The following FEZ1 variants were observed in gnomAD, a reference collection of about 807,000 sequenced individuals.
FEZ1 encodes the protein fasciculation and elongation protein zeta-1.
FEZ1 carries 20 observed loss-of-function variants against 49.3 expected under a neutral mutation model. The observed-to-expected ratio is 0.41, with a 90% CI of 0.29 to 0.59. FEZ1 has a LOEUF of 0.59. Among genes scored for constraint, FEZ1 ranks in the 20% least tolerant of loss-of-function variants. The probability of loss-of-function intolerance (pLI) is 0.36; values close to 1 mark genes in which losing one functional copy is unlikely to be tolerated. For missense variants in FEZ1, 413 were observed against 476.0 expected (o/e 0.87, Z 1.23); for synonymous variants, 170 against 180.9 (o/e 0.94, Z 0.48).
Position 125,457,429 on chromosome 11 carries a change from A to AAAATATAT in FEZ1, c.668-1324_668-1323insATATATTT, listed in dbSNP as rs1164500309. Among the ~76,000 whole-genome samples the AAAATATAT allele has an allele frequency of 8.3e-3, 174 of 20,886 alleles. 1 individual carries two copies. The highest frequency in any genetic ancestry group is 9.2e-3 in the Admixed American group (8 of 870). The allele number at this position is 20,886 out of a possible 152,430, so 13.7% of individuals were successfully genotyped here. On this transcript the variant is annotated intron_variant, in intron 5 of 9. Transcript: ENST00000278919. ...AAAAAAAAAAAAAAAAAAAAAAAAA[A>AAAATATAT]ATATATATATATATATATATATGTA...
rs555632424 is a variant in FEZ1 at position 125,485,753 on chromosome 11, T to C, written c.311+3714A>G. 1.4e-4 allele frequency among the ~76,000 whole-genome samples: 20 copies of C among 146,310 alleles called. No homozygotes were observed. In the East Asian group the frequency reaches 4.0e-3, roughly 29 times the overall value. Reference sequence around the variant, plus strand: ...GAGTTCGAGACCAGCTTGGACAACATGGTGAAAACCCATGTCTACTAAAAG... The same window carrying C: ...GAGTTCGAGACCAGCTTGGACAACACGGTGAAAACCCATGTCTACTAAAAG... On this transcript the variant is annotated intron_variant, in intron 2 of 9. Coordinates refer to ENST00000278919, the MANE Select transcript of FEZ1 (RefSeq NM_005103.5).
chr11:125,475,157 C>T (rs1019374171), intron 3 of FEZ1, among the ~76,000 whole-genome samples: 37 of 151,876 alleles, frequency 2.4e-4, no homozygotes, highest in Non-Finnish European at 5.0e-4. Context: ...ATGGTCCCAG[C>T]TACTTGGGGA....
intron 5 of FEZ1, among the ~76,000 whole-genome samples, chr11:125,456,896 A>G (rs1294267258): frequency 1.3e-5 from 2 of 152,196 alleles, no homozygotes; most frequent in East Asian, 3.8e-4. Context: ...AACTTTATAC[A>G]CTTTAGGCCA....
At chr11:125,467,304 G>A (rs941053986) in intron 3 of FEZ1, among the ~76,000 whole-genome samples, 11 of 151,914 alleles carry the variant, frequency 7.2e-5, no homozygotes, top group East Asian at 1.9e-4. Flanking sequence ...TCAGCCTCCC[G>A]AGTGGGATTA....
intron 7 of FEZ1, chr11:125,452,954 G>C (rs929667511): frequency 1.4e-5 from 2 of 145,128 alleles, no homozygotes; most frequent in African/African-American, 5.0e-5. Context: ...AAGCTAAGAA[G>C]CTCACTTTTT....
chr11:125,493,455 AAGGAAAGAAGGAAAGAAG>A (rs1957414468), intron 1 of FEZ1, among the ~76,000 whole-genome samples: 1 of 60,010 alleles, frequency 1.7e-5, no homozygotes, highest in Non-Finnish European at 3.0e-5. Flanking sequence ...AGAAGGAAAG[AAGGAAAGAAGGAAAGAAG>A]GAAAGAAGGA....
chr11:125,459,335 T>C (rs1957050460), intron 5 of FEZ1, among the ~76,000 whole-genome samples: 1 of 152,190 alleles, frequency 6.6e-6, no homozygotes, highest in African/African-American at 2.4e-5. Flanking sequence ...CTCACACCTG[T>C]AATCCCAGCA....
chr11:125,487,264 G>A (rs1358499892), intron 2 of FEZ1, among the ~76,000 whole-genome samples: 4 of 152,172 alleles, frequency 2.6e-5, no homozygotes, highest in Non-Finnish European at 5.9e-5. Flanking sequence ...GTCATTTTCA[G>A]AGCACCTGGG....
chr11:125,483,727 A>G (rs1352560365), intron 2 of FEZ1, among the ~76,000 whole-genome samples: 1 of 152,242 alleles, frequency 6.6e-6, no homozygotes, highest in African/African-American at 2.4e-5. Context: ...AAGTGCCCAC[A>G]GAAATGAAAT....
In FEZ1 at chr11:125,444,418, T is replaced by C. The variant is rs1956879684; in HGVS notation, c.*1677A>G. Among the ~76,000 whole-genome samples, 1 of 152,162 alleles carries C rather than the reference T, an allele frequency of 6.6e-6. No homozygotes were observed. The highest frequency in any genetic ancestry group is 1.5e-5 in the Non-Finnish European group (1 of 68,028). ...CTGACCAACATGTAGAAACCTGGTC[T>C]CTACTAAAAATATAAAATTAGCTGG... is the stretch of plus-strand genomic sequence containing the variant. On this transcript the variant is annotated 3_prime_UTR_variant, in exon 10 of 10. Transcript: ENST00000278919.
chr11:125,466,068 A>T (rs763129085), intron 3 of FEZ1, among the ~76,000 whole-genome samples: 5 of 152,226 alleles, frequency 3.3e-5, no homozygotes, highest in Admixed American at 2.0e-4. Context: ...AGCATAAGAC[A>T]CTGACATAGA....
In FEZ1 at chr11:125,489,822, T is replaced by A; in HGVS notation, c.-45A>T. On this transcript the variant is annotated splice_region_variant and 5_prime_UTR_variant, in exon 2 of 10. Transcript: ENST00000278919. The surrounding 1 kb of genome is among the most constrained non-coding windows in gnomAD (Gnocchi z 4.2). ...AACAGCGACTTTCAGGATGAGTTTA[T>A]CTAAAAGAAATGAACAGCGTAATGT... 1 of 1,514,148 alleles carries A rather than the reference T, an allele frequency of 6.6e-7. No individual in the cohort carries two copies. Among genetic ancestry groups the A allele is most frequent in the South Asian group, 1.4e-5 (1 of 73,302 alleles). The allele number at this position is 1,514,148 out of a possible 1,614,324, so 93.8% of individuals were successfully genotyped here. A position where few individuals can be genotyped will look rare whatever the true frequency, so the allele number is the denominator to read the frequency against.
chr11:125,491,516 A>T (rs11220093), intron 1 of FEZ1, among the ~76,000 whole-genome samples: 1,828 of 152,102 alleles, frequency 0.012, 34 homozygotes, highest in African/African-American at 0.032. Flanking sequence ...GCTGACTATC[A>T]TACCCTTCTC....
At chr11:125,477,189 G>A (rs1039744791) in intron 3 of FEZ1, among the ~76,000 whole-genome samples, 2 of 152,016 alleles carry the variant, frequency 1.3e-5, no homozygotes, top group South Asian at 2.1e-4. Context: ...GGGATAGACT[G>A]TACCTTCAAG....
In FEZ1 at chr11:125,448,497, C is replaced by T; in HGVS notation, c.1162+5G>A. ...CTGCTCCAGGAGGCCTGGGGCTGCT[C>T]TTACCTTTTAAAATGTAGTCCGTTA... is the stretch of plus-strand genomic sequence containing the variant. On this transcript the variant is annotated splice_donor_5th_base_variant and intron_variant, in intron 9 of 9. Coordinates refer to ENST00000278919, the MANE Select transcript of FEZ1 (RefSeq NM_005103.5). 1 of 1,604,560 alleles carries T rather than the reference C, an allele frequency of 6.2e-7. No homozygotes were observed. The highest frequency in any genetic ancestry group is 8.5e-7 in the Non-Finnish European group (1 of 1,171,294).
At chr11:125,458,230 A>G (rs917519598) in intron 5 of FEZ1, among the ~76,000 whole-genome samples, 2 of 152,012 alleles carry the variant, frequency 1.3e-5, no homozygotes, top group African/African-American at 2.4e-5. Flanking sequence ...ACCCTGACCA[A>G]CCCACCTTCT....
chr11:125,489,196 C>A lies in FEZ1; in HGVS notation c.311+271G>T. On this transcript the variant is annotated intron_variant, in intron 2 of 9. Transcript: ENST00000278919. This position sits in a 1 kb window ranked among gnomAD's most constrained non-coding sequence, Gnocchi z 4.2. ...ATAAAGAAAGCTTAAGATAGACAGACCCTGAAATTTACTGTGCTCCTGAAA... is the reference window on the plus strand; with the variant it reads ...ATAAAGAAAGCTTAAGATAGACAGAACCTGAAATTTACTGTGCTCCTGAAA... 1.8e-6 allele frequency: 2 copies of A among 1,114,838 alleles called. No individual in the cohort carries two copies. Among genetic ancestry groups the A allele is most frequent in the Admixed American group, 4.9e-5 (1 of 20,334 alleles). 69.1% of individuals were successfully genotyped at this position (1,114,838 alleles called of 1,614,324 possible).
Position 125,468,264 on chromosome 11 carries a change from C to T in FEZ1, c.412-4694G>A, listed in dbSNP as rs535104425. Among the ~76,000 whole-genome samples, 8 of 152,184 alleles carry T rather than the reference C, an allele frequency of 5.3e-5. 1 individual carries two copies. Among genetic ancestry groups the T allele is most frequent in the African/African-American group, 1.9e-4 (8 of 41,516 alleles). ...ATGATCAAAGTCCACTGCAGCCTCC[C>T]TTTCCTGGGATCAGGCAATTCTTCC... On this transcript the variant is annotated intron_variant, in intron 3 of 9. Coordinates refer to ENST00000278919, the MANE Select transcript of FEZ1 (RefSeq NM_005103.5).
Position 125,495,523 on chromosome 11 carries a change from G to A in FEZ1, c.-46+598C>T. 2.1e-6 allele frequency: 1 copy of A among 471,118 alleles called. No homozygotes were observed. The highest frequency in any genetic ancestry group is 4.4e-6 in the Non-Finnish European group (1 of 227,040). The allele number at this position is 471,118 out of a possible 1,614,324, so 29.2% of individuals were successfully genotyped here. A position where few individuals can be genotyped will look rare whatever the true frequency, so the allele number is the denominator to read the frequency against. On this transcript the variant is annotated intron_variant, in intron 1 of 9. Coordinates refer to ENST00000278919, the MANE Select transcript of FEZ1 (RefSeq NM_005103.5). The surrounding 1 kb of genome is among the most constrained non-coding windows in gnomAD (Gnocchi z 4.2). ...GTAGTAAAACAATCGCTCTCCCGGC[G>A]TCTGCGGCCGCTGCCAGCGGTTCTG...
Sources: gnomAD v4.1 joint callset for allele counts (sites outside exome capture counted in the v4.1 genomes callset) on GRCh38, gnomAD v4.1.1 for gene constraint, Gnocchi (gnomAD v3.1) non-coding constraint, MANE v1.5 for transcripts, NCBI Gene and HGNC (gene_info 2026-07-23, HGNC 2026-07-21) for gene names.